Variants in PMS1 observed in about 807,000 individuals in gnomAD.
The protein encoded by PMS1 is PMS1 protein homolog 1.
Under a neutral mutation model 93.1 loss-of-function variants are expected in PMS1, and 79 were observed. That is an observed-to-expected ratio of 0.85 (90% CI 0.71 to 1.02). The LOEUF (loss-of-function observed/expected upper bound fraction) is 1.02, where lower values mean the gene tolerates loss of function less well. PMS1 is among the 50% of genes least tolerant of loss of function. The probability of loss-of-function intolerance (pLI) is 0.00; values close to 1 mark genes in which losing one functional copy is unlikely to be tolerated. For synonymous variants in PMS1, 335 were observed against 363.4 expected (o/e 0.92, Z 0.89); for missense variants, 1,064 against 1,085.3 (o/e 0.98, Z 0.28).
intron 11 of PMS1, among the ~76,000 whole-genome samples, chr2:189,870,645 C>T (rs1161789336): frequency 1.3e-5 from 2 of 152,192 alleles, no homozygotes; most frequent in Non-Finnish European, 2.9e-5. Context: ...AAATGTGTAT[C>T]ATTTTCCAGG....
At position 189,824,364 on chromosome 2, in the gene PMS1, A is replaced by G. The variant is rs5743050; in HGVS notation, c.582+6184A>G. 7.4e-3 allele frequency among the ~76,000 whole-genome samples: 1,126 copies of G among 152,208 alleles called. 30 individuals carry two copies. Among genetic ancestry groups the G allele is most frequent in the Admixed American group, 0.054 (830 of 15,284 alleles). ...TTTTTAGTGTGATTATAATGGCACTATTCTGGTCATTATCCTGTTTTTATT... is the reference window on the plus strand; with the variant it reads ...TTTTTAGTGTGATTATAATGGCACTGTTCTGGTCATTATCCTGTTTTTATT... On this transcript the variant is annotated intron_variant, in intron 5 of 12. Transcript: ENST00000441310.
chr2:189,823,225 T>TTTTTG (rs1021438498), intron 5 of PMS1, among the ~76,000 whole-genome samples: 6 of 152,224 alleles, frequency 3.9e-5, no homozygotes, highest in African/African-American at 1.4e-4. Flanking sequence ...TTGTTTTGTT[T>TTTTTG]TTTTGTTTTG....
intron 10 of PMS1, among the ~76,000 whole-genome samples, chr2:189,865,762 T>G (rs2056600466): frequency 6.6e-6 from 1 of 152,166 alleles, no homozygotes; most frequent in Non-Finnish European, 1.5e-5. Context: ...TTAATATTTC[T>G]TTTTCAGTCA....
At chr2:189,855,194 T>A in intron 9 of PMS1, 66 bp downstream of exon 9, 1 of 1,354,390 alleles carries the variant, frequency 7.4e-7, no homozygotes. Context: ...GACTCACTGT[T>A]TAAAAAGAAT....
chr2:189,858,953 A>G (rs1427246917), intron 9 of PMS1, among the ~76,000 whole-genome samples: 2 of 152,132 alleles, frequency 1.3e-5, no homozygotes, highest in African/African-American at 4.8e-5. Flanking sequence ...TCTCACTTTT[A>G]ACAGCACTGT....
chr2:189,812,176 C>G (rs1232708056), intron 4 of PMS1, among the ~76,000 whole-genome samples: 6 of 152,206 alleles, frequency 3.9e-5, no homozygotes, highest in Non-Finnish European at 8.8e-5. Flanking sequence ...TGGTGCATAC[C>G]TGTAATCCCA....
At chr2:189,786,536 G>A (rs925672690) in intron 1 of PMS1, among the ~76,000 whole-genome samples, 1 of 152,168 alleles carries the variant, frequency 6.6e-6, no homozygotes, top group Non-Finnish European at 1.5e-5. Flanking sequence ...TGCTTGGATG[G>A]AAGGTGTTTG....
chr2:189,805,026 A>G (rs765433346), intron 3 of PMS1, among the ~76,000 whole-genome samples: 2 of 152,182 alleles, frequency 1.3e-5, no homozygotes, highest in African/African-American at 2.4e-5. Context: ...TTGTGTTTCT[A>G]TGACTAACAT....
chr2:189,843,024 T>C (rs2053947504), intron 5 of PMS1, among the ~76,000 whole-genome samples: 1 of 149,388 alleles, frequency 6.7e-6, no homozygotes, highest in South Asian at 2.1e-4. Flanking sequence ...TTTTTTCTTA[T>C]TTTCTTTTTT....
chr2:189,814,315 C>G (rs921654293), intron 4 of PMS1, among the ~76,000 whole-genome samples: 3 of 150,846 alleles, frequency 2.0e-5, no homozygotes, highest in African/African-American at 4.9e-5. Context: ...AGACCCCCCC[C>G]CAAAAAAAAA....
chr2:189,795,803 A>G lies in PMS1; in HGVS notation c.167A>G (p.Asp56Gly), dbSNP rs377024581. ...NYGFDKIEVR[D>G]NGEGIKAVDA... ...GGATTTGATAAAATTGAGGTGCGAG[A>G]TAACGGGGAGGGTATCAAGGCTGTT... Residue 56 changes from aspartate to glycine, a missense_variant, in exon 3 of 13, where the codon GAT (aspartate) becomes GGT (glycine). Coordinates refer to ENST00000441310, the MANE Select transcript of PMS1 (RefSeq NM_000534.5). 2.5e-6 allele frequency: 4 copies of G among 1,613,818 alleles called. No homozygotes were observed. Among genetic ancestry groups the G allele is most frequent in the East Asian group, 2.2e-5 (1 of 44,880 alleles).
chr2:189,851,481 G>C (rs1416634348), intron 6 of PMS1, among the ~76,000 whole-genome samples: 1 of 152,066 alleles, frequency 6.6e-6, no homozygotes, highest in East Asian at 1.9e-4. Flanking sequence ...ATTTTATAAT[G>C]GATTATACAG....
intron 3 of PMS1, among the ~76,000 whole-genome samples, chr2:189,796,390 G>T (rs1233265): frequency 0.39 from 59,594 of 151,888 alleles, 14,419 homozygotes; most frequent in African/African-American, 0.7. Context: ...AACATAAAAT[G>T]TATCATTTTA....
chr2:189,853,142 C>T (rs1043848068), intron 7 of PMS1, among the ~76,000 whole-genome samples: 2 of 152,092 alleles, frequency 1.3e-5, no homozygotes, highest in African/African-American at 4.8e-5. Flanking sequence ...CAACCTCCAT[C>T]TCCTGGGTTT....
Position 189,809,153 on chromosome 2 carries a change from T to G in PMS1, c.418+3399T>G, listed in dbSNP as rs1003739131. Among the ~76,000 whole-genome samples, 4 of 152,170 alleles carry G rather than the reference T, an allele frequency of 2.6e-5. No individual in the cohort carries two copies. In the South Asian group the frequency reaches 8.3e-4, roughly 31 times the overall value. ...TATTAAAAGATCTTTTCATCTTAAT[T>G]TAAGAATGGACCTTTTATTCCTTAA... On this transcript the variant is annotated intron_variant, in intron 4 of 12. Coordinates refer to ENST00000441310, the MANE Select transcript of PMS1 (RefSeq NM_000534.5).
intron 4 of PMS1, among the ~76,000 whole-genome samples, chr2:189,817,243 G>A (rs1257860564): frequency 6.6e-6 from 1 of 152,194 alleles, no homozygotes; most frequent in Non-Finnish European, 1.5e-5. Flanking sequence ...TTACTCCTCA[G>A]TGTAATGATT....
At chr2:189,828,355 A>G (rs901329132) in intron 5 of PMS1, among the ~76,000 whole-genome samples, 1 of 152,242 alleles carries the variant, frequency 6.6e-6, no homozygotes, top group African/African-American at 2.4e-5. Flanking sequence ...AATGTTTGAA[A>G]TGATAGGGTA....
At chr2:189,807,909 A>G (rs1366320047) in intron 4 of PMS1, among the ~76,000 whole-genome samples, 4 of 152,126 alleles carry the variant, frequency 2.6e-5, no homozygotes, top group Non-Finnish European at 5.9e-5. Flanking sequence ...ATTATAGTTG[A>G]TTGGTTAGGA....
intron 5 of PMS1, among the ~76,000 whole-genome samples, chr2:189,837,276 C>T (rs2053465095): frequency 6.6e-6 from 1 of 151,738 alleles, no homozygotes; most frequent in African/African-American, 2.4e-5. Flanking sequence ...CAGGCATGTG[C>T]CACCATGCCC....
Sources: gnomAD v4.1 joint callset for allele counts (sites outside exome capture counted in the v4.1 genomes callset) on GRCh38, gnomAD v4.1.1 for gene constraint, MANE v1.5 for transcripts, NCBI Gene and HGNC (gene_info 2026-07-23, HGNC 2026-07-21) for gene names.